GOLGA7: variants seen among roughly 807,000 people sequenced by gnomAD.
GOLGA7 encodes golgin A7.
GOLGA7 carries 10 observed loss-of-function variants against 21.1 expected under a neutral mutation model. The ratio of observed to expected loss-of-function variants is 0.47; its 90% CI spans 0.29 to 0.80. The LOEUF (loss-of-function observed/expected upper bound fraction) is 0.80. Ranked by LOEUF, GOLGA7 falls within the 30% of genes least tolerant of loss-of-function variation. The pLI, the probability that GOLGA7 is intolerant of heterozygous loss-of-function variation, is 0.08. For synonymous variants in GOLGA7, 64 were observed against 62.6 expected (o/e 1.02, Z -0.10); for missense variants, 114 against 166.8 (o/e 0.68, Z 1.74).
chr8:41,495,072 T>C (rs1412054774), intron 1 of GOLGA7, among the ~76,000 whole-genome samples: 1 of 151,390 alleles, frequency 6.6e-6, no homozygotes, highest in African/African-American at 2.4e-5. Context: ...GGAATGGTGG[T>C]GCACGCCTGT....
chr8:41,504,134 A>C (rs1806222745), intron 2 of GOLGA7, among the ~76,000 whole-genome samples: 1 of 129,368 alleles, frequency 7.7e-6, no homozygotes, highest in Admixed American at 7.7e-5. Flanking sequence ...AAAAAAAAAA[A>C]AACAAAACAA....
Position 41,490,636 on chromosome 8 carries a change from G to A in GOLGA7, c.-219G>A. The A allele has an allele frequency of 3.7e-6, 2 of 536,962 alleles. No individual in the cohort carries two copies. Among genetic ancestry groups the A allele is most frequent in the East Asian group, 3.3e-5 (1 of 30,614 alleles). The allele number at this position is 536,962 out of a possible 1,614,324, so 33.3% of individuals were successfully genotyped here. ...GAGGCGGGTTTGTGTTTCCCGGGCC[G>A]AACCGGGTTGTGGGGGGCGCGGGGC... On this transcript the variant is annotated 5_prime_UTR_variant, in exon 1 of 5. Transcript: ENST00000357743.
In GOLGA7 at chr8:41,505,906, G is replaced by A. The variant is rs765414755; in HGVS notation, c.265-5G>A. On this transcript the variant is annotated splice_polypyrimidine_tract_variant and splice_region_variant and intron_variant, in intron 2 of 4. Coordinates refer to ENST00000357743, the MANE Select transcript of GOLGA7 (RefSeq NM_001002296.2). ...GTAAGAAGCTGTGGTGTTTCTTTCT[G>A]TCAGGTTCTGAAGAAAGTCTCCAAA... is the stretch of plus-strand genomic sequence containing the variant. 6.8e-7 allele frequency: 1 copy of A among 1,476,910 alleles called. No individual in the cohort carries two copies. Among genetic ancestry groups the A allele is most frequent in the Non-Finnish European group, 9.4e-7 (1 of 1,064,758 alleles). 91.5% of individuals were successfully genotyped at this position (1,476,910 alleles called of 1,614,324 possible).
intron 1 of GOLGA7, among the ~76,000 whole-genome samples, chr8:41,494,500 G>A (rs902447673): frequency 4.6e-5 from 7 of 152,038 alleles, no homozygotes; most frequent in South Asian, 4.1e-4. Flanking sequence ...TAGACTTATC[G>A]GTGGACAAAC....
intron 1 of GOLGA7, among the ~76,000 whole-genome samples, chr8:41,492,722 C>T (rs1050069615): frequency 1.3e-5 from 2 of 152,144 alleles, no homozygotes; most frequent in African/African-American, 2.4e-5. Context: ...ATTTTTAAGC[C>T]TCTTACGGAA....
Position 41,507,084 on chromosome 8 carries a change from GA to G in GOLGA7, c.393del (p.Gly132AlafsTer2). 1 of 1,360,278 alleles carries G rather than the reference GA, an allele frequency of 7.4e-7. No individual in the cohort carries two copies. Among genetic ancestry groups the G allele is most frequent in the Non-Finnish European group, 1.1e-6 (1 of 948,202 alleles). 84.3% of individuals were successfully genotyped at this position (1,360,278 alleles called of 1,614,324 possible). A position where few individuals can be genotyped will look rare whatever the true frequency, so the allele number is the denominator to read the frequency against. ...RVIEITIYED[R>X]GMSSGR is the part of the protein sequence containing the mutation. ...ATTGAAATTACCATTTATGAAGACA[GA>G]GGCATGAGCAGTGGAAGATAAACCG... On this transcript the variant is annotated frameshift_variant, in exon 4 of 5. Coordinates refer to ENST00000357743, the MANE Select transcript of GOLGA7 (RefSeq NM_001002296.2). LOFTEE classifies it high-confidence loss of function.
intron 1 of GOLGA7, among the ~76,000 whole-genome samples, chr8:41,496,182 C>T (rs768832261): frequency 2.6e-5 from 4 of 152,090 alleles, no homozygotes; most frequent in Admixed American, 1.3e-4. Flanking sequence ...ACTGAACCAT[C>T]TTATCACCCT....
chr8:41,490,600 G>A lies in GOLGA7; in HGVS notation c.-255G>A, dbSNP rs1166603071. 2.1e-6 allele frequency: 1 copy of A among 485,414 alleles called. No individual in the cohort carries two copies. The highest frequency in any genetic ancestry group is 3.7e-6 in the Non-Finnish European group (1 of 273,356). 30.1% of individuals were successfully genotyped at this position (485,414 alleles called of 1,614,324 possible). On this transcript the variant is annotated 5_prime_UTR_variant, in exon 1 of 5. Transcript: ENST00000357743. ...CGGCGAAGGCGGTGCGACAGCAGCT[G>A]GAGGGCAGAGGAGGCGGGTTTGTGT...
chr8:41,496,269 C>T (rs540077212), intron 1 of GOLGA7, among the ~76,000 whole-genome samples: 4 of 152,058 alleles, frequency 2.6e-5, no homozygotes, highest in African/African-American at 9.6e-5. Flanking sequence ...CTGGAAGGGT[C>T]TTTTTCTCTT....
chr8:41,510,882 T>G lies in GOLGA7; in HGVS notation c.*1314T>G, dbSNP rs1486442001. On this transcript the variant is annotated 3_prime_UTR_variant, in exon 5 of 5. Transcript: ENST00000357743. ...TAATATTTTAATTGTGTAAAACTCA[T>G]TTGTTACTTTACAGCCTGTAATAGT... 6.5e-6 allele frequency: 1 copy of G among 154,770 alleles called. No homozygotes were observed. Among genetic ancestry groups the G allele is most frequent in the Non-Finnish European group, 1.4e-5 (1 of 69,492 alleles). The allele number at this position is 154,770 out of a possible 1,614,324, so 9.6% of individuals were successfully genotyped here. A position where few individuals can be genotyped will look rare whatever the true frequency, so the allele number is the denominator to read the frequency against.
At chr8:41,507,717 TCTAGGCAGAGTCACGTTGAAGCC>T (rs1806319759) in intron 4 of GOLGA7, among the ~76,000 whole-genome samples, 1 of 152,198 alleles carries the variant, frequency 6.6e-6, no homozygotes, top group South Asian at 2.1e-4. Flanking sequence ...ACTAAGAATC[TCTAGGCAGAGTCACGTTGAAGCC>T]CTAAGTACTT....
chr8:41,503,462 G>C (rs1340000637), intron 2 of GOLGA7, among the ~76,000 whole-genome samples: 1 of 99,650 alleles, frequency 1.0e-5, no homozygotes, highest in Non-Finnish European at 2.0e-5. Context: ...ATTGCTTTTG[G>C]TGTTTTGGAC....
intron 4 of GOLGA7, among the ~76,000 whole-genome samples, chr8:41,508,115 G>C (rs1044705295): frequency 2.0e-5 from 3 of 152,116 alleles, no homozygotes; most frequent in Non-Finnish European, 4.4e-5. Context: ...ACGAGTATTG[G>C]GATATGAACC....
At position 41,509,640 on chromosome 8, in the gene GOLGA7, A is replaced by G. The variant is rs753766263; in HGVS notation, c.*72A>G. The stretch of plus-strand genomic sequence containing the variant: ...CACTGGCCGACCGCAGAGTGTCCCT[A>G]CCTCCTCTCCAGAGCATCATTCCTT... On this transcript the variant is annotated 3_prime_UTR_variant, in exon 5 of 5. Transcript: ENST00000357743. The G allele has an allele frequency of 2.3e-4, 35 of 152,340 alleles. No individual in the cohort carries two copies. Among genetic ancestry groups the G allele is most frequent in the Non-Finnish European group, 2.6e-4 (18 of 67,998 alleles). 9.4% of individuals were successfully genotyped at this position (152,340 alleles called of 1,614,324 possible). A position where few individuals can be genotyped will look rare whatever the true frequency, so the allele number is the denominator to read the frequency against.
At chr8:41,496,804 C>CTTTTTTTTTTTTTTT (rs34657481) in intron 1 of GOLGA7, among the ~76,000 whole-genome samples, 2 of 91,656 alleles carry the variant, frequency 2.2e-5, no homozygotes, top group Non-Finnish European at 3.9e-5. Context: ...CAGTTTATTG[C>CTTTTTTTTTTTTTTT]TTTTTTTTTT....
intron 2 of GOLGA7, 165 bp from the exon 3 acceptor site, chr8:41,505,746 T>C (rs1806269616): frequency 6.0e-6 from 3 of 501,398 alleles, no homozygotes. Context: ...CTGTATGTCA[T>C]ATGCAACTCA....
At position 41,492,699 on chromosome 8, in the gene GOLGA7, A is replaced by G. The variant is rs528238127; in HGVS notation, c.111+1734A>G. ...CAAATAAAAAGATATACATGGAATC[A>G]ATCAAATGTTTTATTTTTAAGCCTC... is the stretch of plus-strand genomic sequence containing the variant. On this transcript the variant is annotated intron_variant, in intron 1 of 4. Coordinates refer to ENST00000357743, the MANE Select transcript of GOLGA7 (RefSeq NM_001002296.2). Among the ~76,000 whole-genome samples the G allele has an allele frequency of 3.9e-5, 6 of 152,352 alleles. No individual in the cohort carries two copies. In the South Asian group the frequency reaches 1.2e-3, roughly 32 times the overall value.
chr8:41,506,952 TAAAGC>T, intron 3 of GOLGA7, 102 bp from the exon 4 acceptor site: 1 of 721,592 alleles, frequency 1.4e-6, no homozygotes, highest in Non-Finnish European at 2.5e-6. Context: ...AATTGAAAAA[TAAAGC>T]AAACTGAAAG....
intron 2 of GOLGA7, 111 bp from the exon 3 acceptor site, chr8:41,505,800 C>T: frequency 1.7e-6 from 1 of 588,170 alleles, no homozygotes; most frequent in Middle Eastern, 3.7e-4. Flanking sequence ...TATGAATATC[C>T]ATGTGACTTG....
Sources: allele counts gnomAD v4.1 joint callset (sites outside exome capture counted in the v4.1 genomes callset), GRCh38; gene constraint gnomAD v4.1.1; transcripts MANE v1.5; gene names NCBI Gene and HGNC (gene_info 2026-07-23, HGNC 2026-07-21).